The following FRMPD1 variants were observed in gnomAD, a reference collection of about 807,000 sequenced individuals.
FRMPD1 encodes the protein FERM and PDZ domain containing 1, also known as FERM and PDZ domain-containing protein 1.
Under a neutral mutation model 117.8 loss-of-function variants are expected in FRMPD1, and 76 were observed. The observed-to-expected ratio is 0.65, with a 90% CI of 0.54 to 0.78. The LOEUF (loss-of-function observed/expected upper bound fraction) is 0.78, where lower values mean the gene tolerates loss of function less well. Among genes scored for constraint, FRMPD1 ranks in the 30% least tolerant of loss-of-function variants. The probability of loss-of-function intolerance (pLI) is 0.00; values close to 1 mark genes in which losing one functional copy is unlikely to be tolerated. For synonymous variants in FRMPD1, 783 were observed against 770.4 expected (o/e 1.02, Z -0.27); for missense variants, 1,786 against 1,964.5 (o/e 0.91, Z 1.72).
At chr9:37,728,942 G>A (rs987204616) in intron 7 of FRMPD1, among the ~76,000 whole-genome samples, 17 of 146,608 alleles carry the variant, frequency 1.2e-4, no homozygotes, top group Admixed American at 1.0e-3. Context: ...CAGCCTGGGC[G>A]ACAGAGCGAG....
intron 2 of FRMPD1, among the ~76,000 whole-genome samples, chr9:37,696,855 T>C (rs1822340326): frequency 1.3e-5 from 2 of 152,242 alleles, no homozygotes; most frequent in Non-Finnish European, 2.9e-5. Flanking sequence ...GCTTTACTTG[T>C]CTTTGGCATT....
In FRMPD1 at chr9:37,731,047, G is replaced by A. The variant is rs1823855439; in HGVS notation, c.802G>A (p.Asp268Asn). ...CTTCAGGGTCTGTTTTGTTCCCAAG[G>A]ACCCCCTGGACCTCCTGAAAGAAGA... The part of the protein sequence containing the change: ...CLFRVCFVPK[D>N]PLDLLKEDPV... The change falls in exon 9 of 16, where the codon GAC becomes AAC. Residue 268 changes from aspartate (D) to asparagine (N), a missense_variant. Coordinates refer to ENST00000377765, the MANE Select transcript of FRMPD1 (RefSeq NM_014907.3). The A allele has an allele frequency of 3.1e-6, 5 of 1,613,296 alleles. No homozygotes were observed. The highest frequency in any genetic ancestry group is 4.2e-6 in the Non-Finnish European group (5 of 1,179,400).
chr9:37,636,581 G>A, the FRMPD1 span: 3 of 810,790 alleles, frequency 3.7e-6, no homozygotes, highest in East Asian at 2.7e-5. Context: ...ACACCCCAAA[G>A]CCACAGACTC....
intron 1 of FRMPD1, among the ~76,000 whole-genome samples, chr9:37,677,165 T>C (rs1225200264): frequency 6.6e-6 from 1 of 152,204 alleles, no homozygotes; most frequent in Non-Finnish European, 1.5e-5. Context: ...GTGAGGACTT[T>C]CAGGGAAGGA....
intron 1 of FRMPD1, among the ~76,000 whole-genome samples, chr9:37,684,610 A>G (rs1821855403): frequency 6.6e-6 from 1 of 152,170 alleles, no homozygotes; most frequent in East Asian, 1.9e-4. Context: ...AGCACGTCAG[A>G]TAGAATGAAA....
the FRMPD1 span, among the ~76,000 whole-genome samples, chr9:37,632,565 T>A: frequency 6.6e-6 from 1 of 152,096 alleles, no homozygotes; most frequent in Non-Finnish European, 1.5e-5. Context: ...CTCCACAAAG[T>A]GGTAAAGGTC....
chr9:37,622,191 C>T, the FRMPD1 span, among the ~76,000 whole-genome samples: 1 of 152,154 alleles, frequency 6.6e-6, no homozygotes, highest in Admixed American at 6.5e-5. Context: ...TTGGATATGC[C>T]CCTGAGCTCT....
At position 37,735,776 on chromosome 9, in the gene FRMPD1, T is replaced by G. The variant is rs777585087; in HGVS notation, c.1401+42T>G. On this transcript the variant is annotated intron_variant, in intron 13 of 15. Coordinates refer to ENST00000377765, the MANE Select transcript of FRMPD1 (RefSeq NM_014907.3). ...AGATTCTGAATTCAACTGCTGGAAT[T>G]TGGGGCCAAATAGGGGCCAGGCTAG... 24 of 1,482,184 alleles carry G rather than the reference T, an allele frequency of 1.6e-5. No homozygotes were observed. The South Asian group carries it at 2.7e-4, about 17-fold the overall frequency. The allele number at this position is 1,482,184 out of a possible 1,614,324, so 91.8% of individuals were successfully genotyped here. A position where few individuals can be genotyped will look rare whatever the true frequency, so the allele number is the denominator to read the frequency against.
chr9:37,623,888 A>T, the FRMPD1 span, among the ~76,000 whole-genome samples: 1 of 152,208 alleles, frequency 6.6e-6, no homozygotes, highest in African/African-American at 2.4e-5. Context: ...AAAAAAATCA[A>T]TGAATTTATG....
At chr9:37,719,395 C>T (rs1394017456) in intron 6 of FRMPD1, among the ~76,000 whole-genome samples, 1 of 152,218 alleles carries the variant, frequency 6.6e-6, no homozygotes, top group African/African-American at 2.4e-5. Context: ...GGAAGAAGAG[C>T]ACTGGGTTTG....
the FRMPD1 span, among the ~76,000 whole-genome samples, chr9:37,605,068 A>G: frequency 6.6e-6 from 1 of 152,228 alleles, no homozygotes; most frequent in Non-Finnish European, 1.5e-5. Flanking sequence ...AGGCAGTTCC[A>G]CTGTGGAGTC....
chr9:37,636,335 G>C, the FRMPD1 span, among the ~76,000 whole-genome samples: 1 of 152,222 alleles, frequency 6.6e-6, no homozygotes, highest in Non-Finnish European at 1.5e-5. Flanking sequence ...GGAAGAAGGG[G>C]AAGGAGAGAA....
chr9:37,688,947 T>C (rs1179923136), intron 1 of FRMPD1, among the ~76,000 whole-genome samples: 2 of 152,210 alleles, frequency 1.3e-5, no homozygotes, highest in African/African-American at 2.4e-5. Context: ...TTTTTAAAAC[T>C]AAGTTAAACA....
intron 2 of FRMPD1, among the ~76,000 whole-genome samples, chr9:37,696,430 T>C (rs7023318): frequency 0.69 from 104,199 of 152,092 alleles, 36,071 homozygotes; most frequent in East Asian, 0.94. Flanking sequence ...ATCGTCAGCC[T>C]TAACAGAGTC....
chr9:37,745,966 G>A lies in FRMPD1; in HGVS notation c.3934G>A (p.Val1312Met), dbSNP rs375109257. ...SHPEVSASLR[V>M]ATSLGFAGMN... Reference sequence around the variant, plus strand: ...TCCTGAAGTCTCTGCCAGTCTCAGGGTGGCCACATCTTTGGGTTTTGCAGG... The same window carrying A: ...TCCTGAAGTCTCTGCCAGTCTCAGGATGGCCACATCTTTGGGTTTTGCAGG... Residue 1312 changes from valine (V) to methionine (M), a missense_variant, in exon 16 of 16, where the codon GTG becomes ATG. Coordinates refer to ENST00000377765, the MANE Select transcript of FRMPD1 (RefSeq NM_014907.3). The A allele has an allele frequency of 1.2e-6, 2 of 1,614,186 alleles. No individual in the cohort carries two copies. The highest frequency in any genetic ancestry group is 1.1e-5 in the South Asian group (1 of 91,084).
chr9:37,683,423 T>C (rs539890510), intron 1 of FRMPD1, among the ~76,000 whole-genome samples: 1 of 152,354 alleles, frequency 6.6e-6, no homozygotes, highest in Admixed American at 6.5e-5. Context: ...ACTGATAGGC[T>C]GGGCAGGGAT....
At chr9:37,629,767 A>G in the FRMPD1 span, among the ~76,000 whole-genome samples, 1 of 152,212 alleles carries the variant, frequency 6.6e-6, no homozygotes, top group Non-Finnish European at 1.5e-5. Flanking sequence ...TAGAGTATTT[A>G]GAGTTCTCTA....
Position 37,746,861 on chromosome 9 carries a change from T to A in FRMPD1, c.*92T>A, listed in dbSNP as rs921370450. ...CACTCTCCCACCCACCCTCTTCAAA[T>A]GTTTACTATATAGAGTATTCAAATA... On this transcript the variant is annotated 3_prime_UTR_variant, in exon 16 of 16. Transcript: ENST00000377765. 1 of 809,124 alleles carries A rather than the reference T, an allele frequency of 1.2e-6. No homozygotes were observed. Among genetic ancestry groups the A allele is most frequent in the African/African-American group, 1.7e-5 (1 of 58,378 alleles). The allele number at this position is 809,124 out of a possible 1,614,324, so 50.1% of individuals were successfully genotyped here. A position where few individuals can be genotyped will look rare whatever the true frequency, so the allele number is the denominator to read the frequency against.
chr9:37,733,522 A>C lies in FRMPD1; in HGVS notation c.1045A>C (p.Met349Leu). 3 of 1,613,856 alleles carry C rather than the reference A, an allele frequency of 1.9e-6. No individual in the cohort carries two copies. Among genetic ancestry groups the C allele is most frequent in the Non-Finnish European group, 2.5e-6 (3 of 1,179,742 alleles). Reference sequence around the variant, plus strand: ...TATATCTCCAACTTTACTCCGAAACATGAAAGGCAAAGACATCAAGAAAGC... The same window carrying C: ...TATATCTCCAACTTTACTCCGAAACCTGAAAGGCAAAGACATCAAGAAAGC... ...NFISPTLLRN[M>L]KGKDIKKAIS... Residue 349 changes from methionine to leucine, a missense_variant, in exon 11 of 16, where the codon ATG (methionine) becomes CTG (leucine). Met to Leu is a conservative substitution (Grantham distance 15). Transcript: ENST00000377765.
Sources: allele counts gnomAD v4.1 joint callset (sites outside exome capture counted in the v4.1 genomes callset), GRCh38; gene constraint gnomAD v4.1.1; transcripts MANE v1.5; gene names NCBI Gene and HGNC (gene_info 2026-07-23, HGNC 2026-07-21).